Variants in PLCB4 observed in about 807,000 individuals in gnomAD.
The protein encoded by PLCB4 is 1-phosphatidylinositol 4,5-bisphosphate phosphodiesterase beta-4.
In PLCB4, 77 loss-of-function variants were observed where a neutral mutation model predicts 178.8. That is an observed-to-expected ratio of 0.43 (90% CI 0.36 to 0.52). The LOEUF (loss-of-function observed/expected upper bound fraction) is 0.52. Ranked by LOEUF, PLCB4 falls within the 20% of genes least tolerant of loss-of-function variation. The pLI, the probability that PLCB4 is intolerant of heterozygous loss-of-function variation, is 0.00. For missense variants in PLCB4, 1,024 were observed against 1,453.4 expected (o/e 0.70, Z 4.80); for synonymous variants, 496 against 490.8 (o/e 1.01, Z -0.14).
At chr20:9,476,359 G>A (rs543641117) in intron 38 of PLCB4, among the ~76,000 whole-genome samples, 2 of 152,062 alleles carry the variant, frequency 1.3e-5, no homozygotes, top group South Asian at 2.1e-4. Flanking sequence ...AAACATTAAC[G>A]ACTCCATTAC....
chr20:9,271,266 G>C (rs923387337), intron 3 of PLCB4, among the ~76,000 whole-genome samples: 7 of 152,158 alleles, frequency 4.6e-5, no homozygotes, highest in Admixed American at 2.6e-4. Context: ...CAGCTGAACT[G>C]TCAGAGGTAA....
chr20:9,395,566 T>A lies in PLCB4; in HGVS notation c.1458T>A (p.Ser486=). 6.2e-7 allele frequency: 1 copy of A among 1,613,864 alleles called. No individual in the cohort carries two copies. Among genetic ancestry groups the A allele is most frequent in the Non-Finnish European group, 8.5e-7 (1 of 1,179,800 alleles). Residue 486 remains serine, a synonymous_variant, in exon 19 of 40, where the codon TCT becomes TCA. Transcript: ENST00000378473. ...ALRSMMEAGE[S]ASPANILEDD... ...GAAGCATGATGGAAGCTGGAGAATC[T>A]GCCTCCCCAGCAAACATCTTAGAGG...
chr20:9,450,658 C>CTTTTTTTTTTTTTTTTTTTTTTTT (rs60982044), intron 32 of PLCB4, among the ~76,000 whole-genome samples: 3 of 100,272 alleles, frequency 3.0e-5, no homozygotes, highest in African/African-American at 3.6e-5. Flanking sequence ...CTTTTCTTTT[C>CTTTTTTTTTTTTTTTTTTTTTTTT]TTTTTTTTTT....
chr20:9,243,235 G>A (rs969710717), intron 3 of PLCB4, among the ~76,000 whole-genome samples: 28 of 152,290 alleles, frequency 1.8e-4, no homozygotes, highest in African/African-American at 6.5e-4. Context: ...AGAGAGAAAG[G>A]TTAAAGAAAT....
chr20:9,242,510 G>A (rs1273261904), intron 3 of PLCB4, among the ~76,000 whole-genome samples: 3 of 152,174 alleles, frequency 2.0e-5, no homozygotes, highest in Non-Finnish European at 2.9e-5. Context: ...TTCATCTGGG[G>A]GAATCTAACC....
chr20:9,122,254 T>A (rs1225791661), intron 2 of PLCB4, among the ~76,000 whole-genome samples: 1 of 152,108 alleles, frequency 6.6e-6, no homozygotes, highest in Non-Finnish European at 1.5e-5. Flanking sequence ...CACACAAAAA[T>A]TACTATAACT....
chr20:9,448,478 G>T (rs2042550983), intron 32 of PLCB4, among the ~76,000 whole-genome samples: 1 of 152,168 alleles, frequency 6.6e-6, no homozygotes, highest in African/African-American at 2.4e-5. Flanking sequence ...ACTGTAGGGA[G>T]ATCTCAGCTC....
intron 1 of PLCB4, among the ~76,000 whole-genome samples, chr20:9,081,257 A>G (rs35580878): frequency 0.62 from 94,933 of 152,112 alleles, 29,745 homozygotes; most frequent in South Asian, 0.72. Context: ...AACAAATCTT[A>G]TTATAGCATT....
intron 2 of PLCB4, among the ~76,000 whole-genome samples, chr20:9,141,475 G>A (rs1162765768): frequency 6.6e-6 from 1 of 152,048 alleles, no homozygotes; most frequent in Non-Finnish European, 1.5e-5. Flanking sequence ...AAATAACTGA[G>A]ATTTTGTTTT....
intron 25 of PLCB4, among the ~76,000 whole-genome samples, chr20:9,414,934 C>T (rs2040137954): frequency 6.6e-6 from 1 of 152,116 alleles, no homozygotes; most frequent in Admixed American, 6.5e-5. Context: ...GCCCACAGGC[C>T]GTACGTTCTA....
At chr20:9,192,528 CTTTTTTTTTT>C (rs57026127) in intron 2 of PLCB4, among the ~76,000 whole-genome samples, 3 of 135,342 alleles carry the variant, frequency 2.2e-5, no homozygotes, top group Non-Finnish European at 4.8e-5. Context: ...ATTTTTTTTT[CTTTTTTTTTT>C]TTTTTGAGAT....
At chr20:9,332,017 C>CTG (rs2031746205) in intron 4 of PLCB4, among the ~76,000 whole-genome samples, 1 of 152,318 alleles carries the variant, frequency 6.6e-6, no homozygotes, top group Admixed American at 6.5e-5. Context: ...GATGAGCTAA[C>CTG]GTGTCCTTGA....
chr20:9,451,801 A>C (rs937795274), intron 32 of PLCB4, among the ~76,000 whole-genome samples: 1 of 152,204 alleles, frequency 6.6e-6, no homozygotes. Flanking sequence ...AATCCTAACA[A>C]CCCTATGAAG....
At chr20:9,463,562 A>T (rs1246405896) in intron 35 of PLCB4, among the ~76,000 whole-genome samples, 2 of 131,498 alleles carry the variant, frequency 1.5e-5, no homozygotes, top group Non-Finnish European at 1.6e-5. Context: ...AAATAAAGGG[A>T]TGGAGGAAGA....
At chr20:9,210,871 A>G (rs1471457646) in intron 2 of PLCB4, among the ~76,000 whole-genome samples, 1 of 152,164 alleles carries the variant, frequency 6.6e-6, no homozygotes, top group African/African-American at 2.4e-5. Context: ...TTTCACTGCC[A>G]TATACTCAAA....
chr20:9,345,129 C>T (rs886606797), intron 7 of PLCB4, among the ~76,000 whole-genome samples: 2 of 152,274 alleles, frequency 1.3e-5, no homozygotes, highest in African/African-American at 4.8e-5. Flanking sequence ...GTGGAGGTTG[C>T]AGTGAGCCGA....
At chr20:9,467,483 C>T (rs1266284619) in intron 35 of PLCB4, among the ~76,000 whole-genome samples, 1 of 152,102 alleles carries the variant, frequency 6.6e-6, no homozygotes, top group African/African-American at 2.4e-5. Flanking sequence ...TTCAAAGCAA[C>T]AGCAGTATTT....
chr20:9,340,174 G>A (rs2033012510), intron 7 of PLCB4, among the ~76,000 whole-genome samples: 1 of 152,100 alleles, frequency 6.6e-6, no homozygotes, highest in South Asian at 2.1e-4. Flanking sequence ...AGAGCTAACA[G>A]GAAATGTACA....
intron 2 of PLCB4, among the ~76,000 whole-genome samples, chr20:9,161,717 A>G (rs2146983698): frequency 6.6e-6 from 1 of 152,314 alleles, no homozygotes; most frequent in African/African-American, 2.4e-5. Context: ...TTGGAGTAGA[A>G]TAAAGTATGT....
Sources: allele counts gnomAD v4.1 joint callset (sites outside exome capture counted in the v4.1 genomes callset), GRCh38; gene constraint gnomAD v4.1.1; transcripts MANE v1.5; gene names NCBI Gene and HGNC (gene_info 2026-07-23, HGNC 2026-07-21).